Variants in KIAA0825 observed in about 807,000 individuals in gnomAD.
KIAA0825 encodes the protein KIAA0825.
Under a neutral mutation model 147.6 loss-of-function variants are expected in KIAA0825, and 119 were observed. The observed-to-expected ratio is 0.81, with a 90% CI of 0.69 to 0.94. KIAA0825 has a LOEUF of 0.94. Among genes scored for constraint, KIAA0825 ranks in the 40% least tolerant of loss-of-function variants. The probability of loss-of-function intolerance (pLI) is 0.00; values close to 1 mark genes in which losing one functional copy is unlikely to be tolerated. For synonymous variants in KIAA0825, 470 were observed against 518.1 expected (o/e 0.91, Z 1.26); for missense variants, 1,381 against 1,472.7 (o/e 0.94, Z 1.02).
intron 20 of KIAA0825, among the ~76,000 whole-genome samples, chr5:94,326,866 A>G (rs1780746886): frequency 1.3e-5 from 2 of 152,230 alleles, no homozygotes; most frequent in Non-Finnish European, 2.9e-5. Flanking sequence ...GTAAACTAGG[A>G]TGTGGACTAC....
chr5:94,404,628 T>TAAG (rs1751810271), intron 15 of KIAA0825, among the ~76,000 whole-genome samples: 1 of 152,098 alleles, frequency 6.6e-6, no homozygotes, highest in Non-Finnish European at 1.5e-5. Flanking sequence ...AAACCCAAAA[T>TAAG]ATTAATTCTT....
chr5:94,605,820 G>A (rs1258206391), intron 1 of KIAA0825, among the ~76,000 whole-genome samples: 2 of 152,152 alleles, frequency 1.3e-5, no homozygotes, highest in Admixed American at 1.3e-4. Flanking sequence ...TACTGAATGG[G>A]CAAAAGCTGG....
intron 20 of KIAA0825, among the ~76,000 whole-genome samples, chr5:94,239,159 T>A (rs189142044): frequency 6.6e-6 from 1 of 152,318 alleles, no homozygotes; most frequent in East Asian, 1.9e-4. Context: ...AGTATACTTC[T>A]AACTTTCATT....
At chr5:94,421,417 A>C (rs1023414192) in intron 14 of KIAA0825, among the ~76,000 whole-genome samples, 2 of 152,154 alleles carry the variant, frequency 1.3e-5, no homozygotes, top group Non-Finnish European at 2.9e-5. Context: ...CAAATTATCC[A>C]TCTCTGGCTC....
At position 94,503,073 on chromosome 5, in the gene KIAA0825, A is replaced by AAT. The variant is rs1372995831; in HGVS notation, c.970+17173_970+17174dup. 2.9e-3 allele frequency among the ~76,000 whole-genome samples: 434 copies of AAT among 147,236 alleles called. 1 individual carries two copies. The highest frequency in any genetic ancestry group is 3.4e-3 in the African/African-American group (137 of 39,938). On this transcript the variant is annotated intron_variant, in intron 5 of 20. Transcript: ENST00000682413. ...GCAGTGAGACTCCATCTCAAAAAAA[A>AAT]ATATATATATATATGATATATATAT...
At chr5:94,595,483 G>C (rs1054881451) in intron 1 of KIAA0825, among the ~76,000 whole-genome samples, 1 of 152,186 alleles carries the variant, frequency 6.6e-6, no homozygotes, top group Admixed American at 6.5e-5. Context: ...CATGGGCCAA[G>C]CCCACGAAAC....
intron 5 of KIAA0825, among the ~76,000 whole-genome samples, chr5:94,513,612 G>A (rs1010275656): frequency 1.3e-5 from 2 of 151,970 alleles, no homozygotes; most frequent in Non-Finnish European, 2.9e-5. Flanking sequence ...CAATGATTCA[G>A]ATGCCTCAGA....
At chr5:94,306,032 T>C (rs1778710741) in intron 20 of KIAA0825, among the ~76,000 whole-genome samples, 1 of 151,852 alleles carries the variant, frequency 6.6e-6, no homozygotes, top group Admixed American at 6.6e-5. Context: ...ACCTCTCCAA[T>C]GGCCCAAGAT....
At chr5:94,296,629 C>T (rs912905950) in intron 20 of KIAA0825, among the ~76,000 whole-genome samples, 3 of 152,104 alleles carry the variant, frequency 2.0e-5, no homozygotes, top group Non-Finnish European at 4.4e-5. Flanking sequence ...TGGCAAATTC[C>T]CTCACGGCTT....
chr5:94,506,807 A>G (rs541247061), intron 5 of KIAA0825, among the ~76,000 whole-genome samples: 33 of 152,358 alleles, frequency 2.2e-4, no homozygotes, highest in African/African-American at 7.5e-4. Context: ...TACTTATAAA[A>G]GGCAGTTCTG....
At chr5:94,278,169 C>A (rs746938592) in intron 20 of KIAA0825, among the ~76,000 whole-genome samples, 3 of 151,902 alleles carry the variant, frequency 2.0e-5, no homozygotes, top group Non-Finnish European at 4.4e-5. Flanking sequence ...GCATGAGGGG[C>A]TTAAAAGCTA....
In KIAA0825 at chr5:94,417,082, T is replaced by C; in HGVS notation, c.2662+119A>G. On this transcript the variant is annotated intron_variant, in intron 15 of 20. Coordinates refer to ENST00000682413, the MANE Select transcript of KIAA0825 (RefSeq NM_001145678.3). ...GGCTTTATACTGAAAAAATGTAAGG[T>C]AAACTTTCACCAACAACAGATTCAG... is the stretch of plus-strand genomic sequence containing the variant. 3.2e-6 allele frequency: 3 copies of C among 934,722 alleles called. No individual in the cohort carries two copies. In the South Asian group the frequency reaches 4.9e-5, roughly 15 times the overall value. 57.9% of individuals were successfully genotyped at this position (934,722 alleles called of 1,614,324 possible). A position where few individuals can be genotyped will look rare whatever the true frequency, so the allele number is the denominator to read the frequency against.
intron 6 of KIAA0825, among the ~76,000 whole-genome samples, chr5:94,477,803 C>T (rs1762063139): frequency 6.6e-6 from 1 of 151,868 alleles, no homozygotes; most frequent in South Asian, 2.1e-4. Flanking sequence ...TTGTTTTTTA[C>T]AATTAAGAAA....
intron 20 of KIAA0825, among the ~76,000 whole-genome samples, chr5:94,333,017 A>T (rs1781443923): frequency 6.6e-6 from 1 of 152,180 alleles, no homozygotes; most frequent in South Asian, 2.1e-4. Context: ...GGCTGCATAA[A>T]TGTCTTCTTT....
intron 1 of KIAA0825, among the ~76,000 whole-genome samples, chr5:94,586,039 A>G (rs1206856876): frequency 6.6e-6 from 1 of 152,224 alleles, no homozygotes; most frequent in African/African-American, 2.4e-5. Flanking sequence ...CATTTAAAAC[A>G]GTGTGTAGTG....
intron 14 of KIAA0825, among the ~76,000 whole-genome samples, chr5:94,439,773 T>A (rs1707969132): frequency 6.6e-6 from 1 of 152,204 alleles, no homozygotes; most frequent in African/African-American, 2.4e-5. Flanking sequence ...AAAAATATAG[T>A]TTTCTCTCAT....
In KIAA0825 at chr5:94,391,627, G is replaced by A; in HGVS notation, c.3364C>T (p.Gln1122Ter). ...EGDVALELTE[Q>*]KINTMVLDLC... Reference sequence around the variant, plus strand: ...TCCAGGACCATCGTGTTTATTTTCTGCTCAGTCAGTTCAAGAGCAACATCT... The same window carrying A: ...TCCAGGACCATCGTGTTTATTTTCTACTCAGTCAGTTCAAGAGCAACATCT... Residue 1122 changes from glutamine to a stop codon, truncating the protein, a stop_gained, in exon 18 of 21, where the codon CAG (glutamine) becomes TAG (stop). Transcript: ENST00000682413. LOFTEE classifies it high-confidence loss of function. The A allele has an allele frequency of 6.4e-7, 1 of 1,551,560 alleles. No homozygotes were observed.
intron 20 of KIAA0825, among the ~76,000 whole-genome samples, chr5:94,373,737 T>C (rs1341241228): frequency 6.6e-6 from 1 of 152,194 alleles, no homozygotes; most frequent in Non-Finnish European, 1.5e-5. Flanking sequence ...AGCCAAATCA[T>C]GTCGATTATA....
intron 2 of KIAA0825, chr5:94,570,299 GACA>G (rs1166867156): frequency 6.5e-6 from 1 of 153,388 alleles, no homozygotes; most frequent in African/African-American, 2.4e-5. Context: ...GGGCGACCCA[GACA>G]ACTACACCCT....
Sources: gnomAD v4.1 joint callset for allele counts (sites outside exome capture counted in the v4.1 genomes callset) on GRCh38, gnomAD v4.1.1 for gene constraint, MANE v1.5 for transcripts, NCBI Gene and HGNC (gene_info 2026-07-23, HGNC 2026-07-21) for gene names.